The following ALCAM variants were observed in gnomAD, a reference collection of about 807,000 sequenced individuals.
The protein encoded by ALCAM is activated leukocyte cell adhesion molecule.
A neutral mutation model predicts 70.9 loss-of-function variants in ALCAM; 30 were observed. The ratio of observed to expected loss-of-function variants is 0.42; its 90% CI spans 0.32 to 0.57. The LOEUF (loss-of-function observed/expected upper bound fraction) is 0.57. ALCAM is among the 20% of genes least tolerant of loss of function. The pLI, the probability that ALCAM is intolerant of heterozygous loss-of-function variation, is 0.11. For synonymous variants in ALCAM, 249 were observed against 242.5 expected, an observed-to-expected ratio of 1.03 and a Z score of -0.25; for missense variants, 591 against 695.1, an observed-to-expected ratio of 0.85 and a Z score of 1.68.
chr3:105,512,937 G>C (rs759570673), intron 1 of ALCAM, among the ~76,000 whole-genome samples: 3 of 151,642 alleles, frequency 2.0e-5, no homozygotes, highest in Non-Finnish European at 4.4e-5. Context: ...AAAATATATA[G>C]TATAAAGAAA....
chr3:105,464,190 A>T (rs982442687), intron 1 of ALCAM, among the ~76,000 whole-genome samples: 2 of 151,322 alleles, frequency 1.3e-5, no homozygotes, highest in African/African-American at 4.8e-5. Context: ...TTTTTTAATT[A>T]AAACTTTTAC....
intron 3 of ALCAM, chr3:105,524,723 A>C (rs1939652085): frequency 7.6e-7 from 1 of 1,309,978 alleles, no homozygotes; most frequent in African/African-American, 1.5e-5. Flanking sequence ...AGGAACTAAA[A>C]TAATATTCTC....
chr3:105,488,121 A>C (rs1478190171), intron 1 of ALCAM, among the ~76,000 whole-genome samples: 1 of 152,050 alleles, frequency 6.6e-6, no homozygotes, highest in Non-Finnish European at 1.5e-5. Flanking sequence ...CACTTTTCCC[A>C]ACCCTTGTTT....
chr3:105,503,509 T>C (rs1241618703), intron 1 of ALCAM, among the ~76,000 whole-genome samples: 1 of 152,182 alleles, frequency 6.6e-6, no homozygotes, highest in East Asian at 1.9e-4. Flanking sequence ...CCTATTTCAC[T>C]ATGAGTACAT....
chr3:105,548,530 C>G (rs1037821661), intron 11 of ALCAM, among the ~76,000 whole-genome samples: 1 of 151,340 alleles, frequency 6.6e-6, no homozygotes, highest in Non-Finnish European at 1.5e-5. Flanking sequence ...GGAAGTTGGG[C>G]CACTGTCCCA....
At chr3:105,446,175 G>C (rs1937292055) in intron 1 of ALCAM, among the ~76,000 whole-genome samples, 1 of 152,082 alleles carries the variant, frequency 6.6e-6, no homozygotes, top group South Asian at 2.1e-4. Context: ...CACCTGAGTA[G>C]ATATTTCTCA....
intron 1 of ALCAM, among the ~76,000 whole-genome samples, chr3:105,399,160 T>C (rs1444380786): frequency 6.6e-6 from 1 of 152,162 alleles, no homozygotes; most frequent in African/African-American, 2.4e-5. Flanking sequence ...TCAAAAATAA[T>C]TGCATTTCAG....
At chr3:105,392,006 T>G (rs1481612364) in intron 1 of ALCAM, among the ~76,000 whole-genome samples, 1 of 152,040 alleles carries the variant, frequency 6.6e-6, no homozygotes, top group Non-Finnish European at 1.5e-5. Context: ...TACATCAGTG[T>G]TCTTCAGGGA....
At chr3:105,408,872 C>A (rs1048582515) in intron 1 of ALCAM, among the ~76,000 whole-genome samples, 3 of 151,900 alleles carry the variant, frequency 2.0e-5, no homozygotes, top group African/African-American at 7.3e-5. Flanking sequence ...ACAATTCCAT[C>A]AAAAAGCGGG....
intron 1 of ALCAM, among the ~76,000 whole-genome samples, chr3:105,466,508 T>C (rs1168528259): frequency 3.3e-5 from 5 of 151,470 alleles, no homozygotes; most frequent in African/African-American, 1.2e-4. Context: ...TTGTTCTTTC[T>C]GGAATTTTTT....
chr3:105,426,255 A>G (rs368039320), intron 1 of ALCAM, among the ~76,000 whole-genome samples: 8 of 151,960 alleles, frequency 5.3e-5, no homozygotes, highest in Admixed American at 3.9e-4. Context: ...TGTCAAATCA[A>G]AAGAATCACA....
intron 1 of ALCAM, among the ~76,000 whole-genome samples, chr3:105,455,265 C>A (rs1165971949): frequency 1.3e-5 from 2 of 151,260 alleles, no homozygotes; most frequent in African/African-American, 4.9e-5. Flanking sequence ...CACGGTGAAA[C>A]CCCGTCTCTA....
chr3:105,553,622 C>G (rs1940459919), intron 14 of ALCAM, among the ~76,000 whole-genome samples: 1 of 151,772 alleles, frequency 6.6e-6, no homozygotes, highest in Non-Finnish European at 1.5e-5. Flanking sequence ...TCCAATGAAG[C>G]AATATTCAAA....
At chr3:105,472,164 T>C (rs1293103653) in intron 1 of ALCAM, among the ~76,000 whole-genome samples, 2 of 151,330 alleles carry the variant, frequency 1.3e-5, no homozygotes, top group East Asian at 3.9e-4. Flanking sequence ...ATCACCCTCA[T>C]GTAGGCCTAG....
chr3:105,458,739 A>G (rs1459170251), intron 1 of ALCAM, among the ~76,000 whole-genome samples: 3 of 152,136 alleles, frequency 2.0e-5, no homozygotes, highest in Non-Finnish European at 4.4e-5. Context: ...GAGCTCTTCT[A>G]CCACTCCACA....
chr3:105,412,961 A>G (rs1267549899), intron 1 of ALCAM, among the ~76,000 whole-genome samples: 2 of 152,164 alleles, frequency 1.3e-5, no homozygotes, highest in Non-Finnish European at 2.9e-5. Context: ...TAAACAAAAC[A>G]TGATTAAATA....
intron 14 of ALCAM, among the ~76,000 whole-genome samples, chr3:105,554,364 T>A (rs1161570021): frequency 6.6e-6 from 1 of 151,888 alleles, no homozygotes; most frequent in East Asian, 1.9e-4. Flanking sequence ...AGTAAGAAGT[T>A]CCCTCTTACT....
At chr3:105,448,948 A>G (rs1937359670) in intron 1 of ALCAM, among the ~76,000 whole-genome samples, 1 of 152,160 alleles carries the variant, frequency 6.6e-6, no homozygotes, top group Non-Finnish European at 1.5e-5. Flanking sequence ...GCTTGAGTAT[A>G]AATGAACTGC....
Position 105,531,986 on chromosome 3 carries a change from C to T in ALCAM, c.395-16C>T. On this transcript the variant is annotated splice_polypyrimidine_tract_variant and intron_variant, in intron 3 of 15. Coordinates refer to ENST00000306107, the MANE Select transcript of ALCAM (RefSeq NM_001627.4). The stretch of plus-strand genomic sequence containing the variant: ...TCTTACATATGTACTTAAAATCTTT[C>T]TCTGCTTAACTTTAGAGCAACCATC... 5.6e-6 allele frequency: 9 copies of T among 1,610,524 alleles called. No individual in the cohort carries two copies. Among genetic ancestry groups the T allele is most frequent in the South Asian group, 1.1e-5 (1 of 90,918 alleles).
Sources: gnomAD v4.1 joint callset for allele counts (sites outside exome capture counted in the v4.1 genomes callset) on GRCh38, gnomAD v4.1.1 for gene constraint, MANE v1.5 for transcripts, NCBI Gene and HGNC (gene_info 2026-07-23, HGNC 2026-07-21) for gene names.